Variants in AKAP19 observed in about 807,000 individuals in gnomAD.
AKAP19 encodes A-kinase anchoring protein 19, also known as small A-kinase anchoring protein.
At chr2:190,188,386 CAAG>C in the AKAP19 span, among the ~76,000 whole-genome samples, 1 of 152,164 alleles carries the variant, frequency 6.6e-6, no homozygotes, top group Non-Finnish European at 1.5e-5. Context: ...GTTAAAATGA[CAAG>C]AAGGCCAAAA....
the AKAP19 span, among the ~76,000 whole-genome samples, chr2:190,194,477 TACACACACACACACACACACACACACAC>T: frequency 5.7e-5 from 8 of 141,476 alleles, no homozygotes; most frequent in African/African-American, 1.1e-4. Context: ...ATCCTGTGTA[TACACACACACACACACACACACACACAC>T]ACACACACAC....
the AKAP19 span, among the ~76,000 whole-genome samples, chr2:190,064,000 C>A: frequency 6.6e-6 from 1 of 152,096 alleles, no homozygotes; most frequent in South Asian, 2.1e-4. Context: ...GAGATTTAGT[C>A]CATTACTTTT....
chr2:190,142,849 C>T, the AKAP19 span, among the ~76,000 whole-genome samples: 1 of 151,980 alleles, frequency 6.6e-6, no homozygotes, highest in African/African-American at 2.4e-5. Flanking sequence ...AAAAGTACAC[C>T]CTCAATAAAA....
chr2:189,888,368 T>G, the AKAP19 span, among the ~76,000 whole-genome samples: 6,836 of 152,314 alleles, frequency 0.045, 489 homozygotes, highest in African/African-American at 0.15. Context: ...GTAGTATAGT[T>G]TGAAGTCAGG....
the AKAP19 span, among the ~76,000 whole-genome samples, chr2:190,037,096 A>G: frequency 1.3e-5 from 2 of 152,232 alleles, no homozygotes; most frequent in Non-Finnish European, 2.9e-5. Flanking sequence ...GAACTGAAAG[A>G]AAGTTCCAAT....
chr2:190,002,738 G>T, the AKAP19 span, among the ~76,000 whole-genome samples: 1 of 152,088 alleles, frequency 6.6e-6, no homozygotes, highest in Non-Finnish European at 1.5e-5. Flanking sequence ...AGGACCGTCA[G>T]TTGGTCTATT....
At chr2:190,171,921 A>G in the AKAP19 span, among the ~76,000 whole-genome samples, 4 of 152,304 alleles carry the variant, frequency 2.6e-5, no homozygotes, top group African/African-American at 9.6e-5. Context: ...CTCTACCCAC[A>G]TGTTCAGAGT....
At chr2:190,064,077 A>G in the AKAP19 span, among the ~76,000 whole-genome samples, 1 of 152,040 alleles carries the variant, frequency 6.6e-6, no homozygotes, top group Non-Finnish European at 1.5e-5. Context: ...ATTTTTGCAC[A>G]CTGTACACTA....
At chr2:190,078,786 C>G in the AKAP19 span, among the ~76,000 whole-genome samples, 40 of 151,984 alleles carry the variant, frequency 2.6e-4, no homozygotes, top group Non-Finnish European at 5.6e-4. Flanking sequence ...GCAATTCTAT[C>G]TTTTAGGATT....
At chr2:190,187,426 T>G in the AKAP19 span, among the ~76,000 whole-genome samples, 77 of 150,828 alleles carry the variant, frequency 5.1e-4, no homozygotes, top group Non-Finnish European at 9.6e-4. Context: ...TTTTTTTTTT[T>G]GCTGGTTTTG....
the AKAP19 span, among the ~76,000 whole-genome samples, chr2:190,053,232 T>C: frequency 5.3e-3 from 809 of 152,338 alleles, 7 homozygotes; most frequent in Middle Eastern, 0.01. Context: ...TGTCTGTCAT[T>C]ATTTTATATA....
the AKAP19 span, chr2:190,055,658 A>G: frequency 1.3e-5 from 2 of 152,158 alleles, no homozygotes; most frequent in Non-Finnish European, 2.9e-5. Context: ...AATAAAGTGA[A>G]AATCAGAAAT....
chr2:190,199,544 A>ATCTTT, the AKAP19 span, among the ~76,000 whole-genome samples: 1 of 152,150 alleles, frequency 6.6e-6, no homozygotes, highest in African/African-American at 2.4e-5. Flanking sequence ...TTGAGTGATT[A>ATCTTT]TCTTTTTCTT....
At chr2:190,077,986 A>C in the AKAP19 span, among the ~76,000 whole-genome samples, 1 of 152,034 alleles carries the variant, frequency 6.6e-6, no homozygotes, top group Non-Finnish European at 1.5e-5. Context: ...GTGTTCAGCT[A>C]TTGTTCTTAA....
chr2:189,919,828 T>C, the AKAP19 span, among the ~76,000 whole-genome samples: 1 of 152,206 alleles, frequency 6.6e-6, no homozygotes, highest in Non-Finnish European at 1.5e-5. Flanking sequence ...AGCCTGCTTG[T>C]GTACATTCCT....
the AKAP19 span, chr2:190,180,982 C>T: frequency 3.0e-6 from 3 of 985,514 alleles, no homozygotes; most frequent in Admixed American, 6.1e-5. The surrounding 1 kb of genome is among the most constrained non-coding windows in gnomAD (Gnocchi z 6.8). Flanking sequence ...GCCAGCAAGC[C>T]CCCCTCCCAC....
At chr2:189,984,983 C>T in the AKAP19 span, among the ~76,000 whole-genome samples, 1 of 152,064 alleles carries the variant, frequency 6.6e-6, no homozygotes, top group African/African-American at 2.4e-5. Context: ...TGCAAGCTGG[C>T]CACTCTCTGT....
chr2:190,124,475 A>C, the AKAP19 span, among the ~76,000 whole-genome samples: 1 of 152,212 alleles, frequency 6.6e-6, no homozygotes, highest in Non-Finnish European at 1.5e-5. Flanking sequence ...CTGGAAAACT[A>C]CAGCATAAAA....
the AKAP19 span, among the ~76,000 whole-genome samples, chr2:190,130,054 C>G: frequency 1.3e-5 from 2 of 152,156 alleles, no homozygotes; most frequent in Non-Finnish European, 2.9e-5. Context: ...GAATAGACTT[C>G]TAGTCCAATT....
Sources: gnomAD v4.1 joint callset for allele counts (sites outside exome capture counted in the v4.1 genomes callset) on GRCh38, gnomAD v4.1.1 for gene constraint, Gnocchi (gnomAD v3.1) non-coding constraint, MANE v1.5 for transcripts, NCBI Gene and HGNC (gene_info 2026-07-23, HGNC 2026-07-21) for gene names.